GPC6: variants seen among roughly 807,000 people sequenced by gnomAD.
The protein encoded by GPC6 is glypican-6.
Under a neutral mutation model 55.2 loss-of-function variants are expected in GPC6, and 14 were observed. The observed-to-expected ratio is 0.25, with a 90% confidence interval of 0.17 to 0.40. The LOEUF (loss-of-function observed/expected upper bound fraction) is 0.40. Among genes scored for constraint, GPC6 ranks in the 10% least tolerant of loss-of-function variants. The pLI is 1.00. For missense variants in GPC6, 641 were observed against 708.5 expected (o/e 0.90, Z 1.08); for synonymous variants, 278 against 259.6 (o/e 1.07, Z -0.68).
Position 94,135,253 on chromosome 13 carries a change from C to CA in GPC6, c.877+107375dup, listed in dbSNP as rs10535164. Among the ~76,000 whole-genome samples the CA allele has an allele frequency of 3.8e-4, 52 of 137,544 alleles. 1 individual carries two copies. Among genetic ancestry groups the CA allele is most frequent in the African/African-American group, 1.1e-3 (40 of 35,928 alleles). The allele number at this position is 137,544 out of a possible 152,430, so 90.2% of individuals were successfully genotyped here. A position where few individuals can be genotyped will look rare whatever the true frequency, so the allele number is the denominator to read the frequency against. ...GCTTTATCTAATGTAAGCTAGTATG[C>CA]AAAAAAAAAAAAAAAAGTTAAGGCA... On this transcript the variant is annotated intron_variant, in intron 4 of 8. Transcript: ENST00000377047.
intron 1 of GPC6, among the ~76,000 whole-genome samples, chr13:93,261,438 A>G (rs1219810614): frequency 6.6e-6 from 1 of 152,206 alleles, no homozygotes; most frequent in Admixed American, 6.5e-5. Context: ...CAGGAATAGC[A>G]CATTTTCCTG....
intron 1 of GPC6, among the ~76,000 whole-genome samples, chr13:93,526,511 G>A (rs1881652774): frequency 6.6e-6 from 1 of 152,056 alleles, no homozygotes; most frequent in Admixed American, 6.6e-5. Context: ...TATCTTCCTT[G>A]TGTACTATTA....
At chr13:93,927,392 T>G (rs912212559) in intron 3 of GPC6, among the ~76,000 whole-genome samples, 2 of 152,174 alleles carry the variant, frequency 1.3e-5, no homozygotes, top group African/African-American at 2.4e-5. Context: ...GTCAAACTTC[T>G]TGAGGTTAAC....
At chr13:94,159,088 C>T (rs77912371) in intron 4 of GPC6, among the ~76,000 whole-genome samples, 1,779 of 152,122 alleles carry the variant, frequency 0.012, 37 homozygotes, top group African/African-American at 0.04. Context: ...CATACCTAGG[C>T]AGAGATGACA....
intron 2 of GPC6, among the ~76,000 whole-genome samples, chr13:93,642,706 C>G (rs1176514436): frequency 6.6e-6 from 1 of 151,996 alleles, no homozygotes; most frequent in Non-Finnish European, 1.5e-5. Context: ...TACAGAACAA[C>G]GATTTTTACT....
chr13:94,293,730 G>A (rs959579836), intron 5 of GPC6, among the ~76,000 whole-genome samples: 7 of 152,156 alleles, frequency 4.6e-5, no homozygotes, highest in Admixed American at 4.6e-4. Context: ...GAGAGATTAA[G>A]TAGCAAGCCT....
intron 4 of GPC6, among the ~76,000 whole-genome samples, chr13:94,133,662 A>G (rs1887083394): frequency 6.6e-6 from 1 of 152,048 alleles, no homozygotes; most frequent in Non-Finnish European, 1.5e-5. Flanking sequence ...ATAACTTGGA[A>G]GTGGAGAGGA....
chr13:94,304,387 A>T (rs1488592712), intron 5 of GPC6, among the ~76,000 whole-genome samples: 1 of 152,212 alleles, frequency 6.6e-6, no homozygotes, highest in African/African-American at 2.4e-5. Flanking sequence ...CTCTCTGCGT[A>T]CTTCAGTGGA....
chr13:94,125,985 A>G (rs1166845532), intron 4 of GPC6, among the ~76,000 whole-genome samples: 2 of 152,182 alleles, frequency 1.3e-5, no homozygotes, highest in Admixed American at 6.6e-5. Flanking sequence ...AAATGAATAT[A>G]TACATTATTT....
At chr13:94,381,493 A>G (rs1379300318) in intron 6 of GPC6, among the ~76,000 whole-genome samples, 1 of 152,034 alleles carries the variant, frequency 6.6e-6, no homozygotes, top group African/African-American at 2.4e-5. Flanking sequence ...CCTTTTTATC[A>G]GCACATATCA....
chr13:93,590,053 A>G (rs1289904756), intron 2 of GPC6, among the ~76,000 whole-genome samples: 2 of 152,244 alleles, frequency 1.3e-5, no homozygotes, highest in African/African-American at 2.4e-5. Flanking sequence ...TGAGCTGCCT[A>G]GAATTGAAAT....
intron 4 of GPC6, among the ~76,000 whole-genome samples, chr13:94,048,273 A>G (rs1883802300): frequency 1.3e-5 from 2 of 152,038 alleles, no homozygotes; most frequent in South Asian, 4.1e-4. Flanking sequence ...TTATAAATAT[A>G]TTTTTGCCGT....
rs554289443 is a variant in GPC6 at position 93,232,004 on chromosome 13, C to T, written c.160+4388C>T. 2.5e-4 allele frequency among the ~76,000 whole-genome samples: 38 copies of T among 152,156 alleles called. 1 individual carries two copies. In the South Asian group the frequency reaches 6.6e-3, roughly 27 times the overall value. On this transcript the variant is annotated intron_variant, in intron 1 of 8. Transcript: ENST00000377047. The stretch of plus-strand genomic sequence containing the variant: ...TACATAATGTTTCCTTTTCACTGAT[C>T]TTTGCCCAGTGGGCGTTTCCTTTCT...
chr13:93,904,342 T>C (rs1876520297), intron 3 of GPC6, among the ~76,000 whole-genome samples: 1 of 152,134 alleles, frequency 6.6e-6, no homozygotes, highest in African/African-American at 2.4e-5. Context: ...TGAGAACCTA[T>C]TGTAGGAAGA....
At chr13:93,461,383 A>C (rs1878680656) in intron 1 of GPC6, among the ~76,000 whole-genome samples, 1 of 152,182 alleles carries the variant, frequency 6.6e-6, no homozygotes, top group Non-Finnish European at 1.5e-5. Context: ...AAAGCATCTA[A>C]AATTTCTCAA....
intron 2 of GPC6, among the ~76,000 whole-genome samples, chr13:93,670,477 C>T (rs1169014838): frequency 1.3e-5 from 2 of 152,140 alleles, no homozygotes; most frequent in Non-Finnish European, 2.9e-5. Context: ...AATGTATACA[C>T]ATGGCCAGAC....
chr13:93,522,673 A>G (rs1171605078), intron 1 of GPC6, among the ~76,000 whole-genome samples: 3 of 151,838 alleles, frequency 2.0e-5, no homozygotes, highest in Non-Finnish European at 4.4e-5. Flanking sequence ...CAAAGACAAA[A>G]CAAAACAGTG....
chr13:93,594,613 A>G (rs1227819979), intron 2 of GPC6, among the ~76,000 whole-genome samples: 1 of 152,004 alleles, frequency 6.6e-6, no homozygotes, highest in Non-Finnish European at 1.5e-5. Flanking sequence ...CTCTCCTGCT[A>G]AAAGAGGGAA....
chr13:93,563,920 G>A (rs1185380781), intron 2 of GPC6, among the ~76,000 whole-genome samples: 4 of 152,212 alleles, frequency 2.6e-5, no homozygotes, highest in Middle Eastern at 6.8e-3. Context: ...GGAACAGGTA[G>A]TGTTTGGTTA....
Sources: allele counts gnomAD v4.1 joint callset (sites outside exome capture counted in the v4.1 genomes callset), GRCh38; gene constraint gnomAD v4.1.1; transcripts MANE v1.5; gene names NCBI Gene and HGNC (gene_info 2026-07-23, HGNC 2026-07-21).